TBC1D22A: variants seen among roughly 807,000 people sequenced by gnomAD.
The protein encoded by TBC1D22A is TBC1 domain family member 22A.
In TBC1D22A, 38 loss-of-function variants were observed where a neutral mutation model predicts 60.2. The ratio of observed to expected loss-of-function variants is 0.63; its 90% confidence interval spans 0.49 to 0.83. The LOEUF (loss-of-function observed/expected upper bound fraction) is 0.83. Among genes scored for constraint, TBC1D22A ranks in the 40% least tolerant of loss-of-function variants. The probability of loss-of-function intolerance (pLI) is 0.00; values close to 1 mark genes in which losing one functional copy is unlikely to be tolerated. For missense variants in TBC1D22A, 628 were observed against 701.0 expected, an observed-to-expected ratio of 0.90 and a Z score of 1.18; for synonymous variants, 302 against 281.7, an observed-to-expected ratio of 1.07 and a Z score of -0.72.
intron 9 of TBC1D22A, among the ~76,000 whole-genome samples, chr22:46,994,942 C>T (rs1199671764): frequency 6.6e-6 from 1 of 152,226 alleles, no homozygotes; most frequent in Non-Finnish European, 1.5e-5. Flanking sequence ...AAATTTCTTA[C>T]TCCTGTTAAA....
intron 11 of TBC1D22A, among the ~76,000 whole-genome samples, chr22:47,073,329 C>A (rs192395972): frequency 6.6e-6 from 1 of 152,138 alleles, no homozygotes; most frequent in Admixed American, 6.5e-5. Flanking sequence ...GTGCCGCTGG[C>A]GGTTTCATTA....
chr22:47,041,624 G>T (rs1034922309), intron 11 of TBC1D22A, among the ~76,000 whole-genome samples: 1 of 152,200 alleles, frequency 6.6e-6, no homozygotes, highest in Admixed American at 6.5e-5. Context: ...TCCTGGGCTC[G>T]GATGGAGGGC....
At chr22:47,171,007 G>A (rs1456766985) in intron 12 of TBC1D22A, among the ~76,000 whole-genome samples, 1 of 152,208 alleles carries the variant, frequency 6.6e-6, no homozygotes, top group Non-Finnish European at 1.5e-5. Context: ...ACATGCAGAC[G>A]GCAGCCTCCG....
intron 12 of TBC1D22A, among the ~76,000 whole-genome samples, chr22:47,114,653 C>A (rs1028776272): frequency 1.3e-5 from 2 of 152,090 alleles, no homozygotes; most frequent in Non-Finnish European, 2.9e-5. Flanking sequence ...AACATGATTC[C>A]CCAACAGTGG....
At chr22:47,101,088 T>A (rs1233100531) in intron 11 of TBC1D22A, among the ~76,000 whole-genome samples, 1 of 152,218 alleles carries the variant, frequency 6.6e-6, no homozygotes, top group Non-Finnish European at 1.5e-5. Context: ...AGACTTATTG[T>A]TGAGTCATCA....
intron 11 of TBC1D22A, among the ~76,000 whole-genome samples, chr22:47,065,633 G>A (rs1259261507): frequency 1.3e-5 from 2 of 152,280 alleles, no homozygotes; most frequent in South Asian, 2.1e-4. Context: ...AGCAGGCCTC[G>A]GAGTTGGGAC....
chr22:47,045,867 C>A (rs1279754485), intron 11 of TBC1D22A, among the ~76,000 whole-genome samples: 1 of 152,158 alleles, frequency 6.6e-6, no homozygotes, highest in Non-Finnish European at 1.5e-5. Flanking sequence ...CATGCTCCTT[C>A]AGGTGGCTGC....
chr22:47,096,915 C>T (rs1432091519), intron 11 of TBC1D22A, among the ~76,000 whole-genome samples: 4 of 152,246 alleles, frequency 2.6e-5, no homozygotes, highest in Admixed American at 2.0e-4. Context: ...CCTCAGTTCG[C>T]GTGTGGTGTG....
chr22:46,961,993 G>A (rs926627431), intron 8 of TBC1D22A, among the ~76,000 whole-genome samples: 1 of 152,240 alleles, frequency 6.6e-6, no homozygotes, highest in Non-Finnish European at 1.5e-5. Context: ...GCAGGTTCCT[G>A]CAGATTTCGT....
intron 11 of TBC1D22A, among the ~76,000 whole-genome samples, chr22:47,111,285 T>G (rs1190717100): frequency 6.6e-6 from 1 of 152,248 alleles, no homozygotes; most frequent in Non-Finnish European, 1.5e-5. Flanking sequence ...GGTCTGCTGT[T>G]CACATGCTGT....
intron 4 of TBC1D22A, among the ~76,000 whole-genome samples, chr22:46,847,942 TGTGTGTGTGTGTGCGC>T (rs913624399): frequency 9.6e-5 from 12 of 125,148 alleles, no homozygotes; most frequent in African/African-American, 2.9e-4. Context: ...TGTGTGTGTG[TGTGTGTGTGTGTGCGC>T]GCGCGCACGC....
chr22:46,955,639 T>A (rs985966632), intron 8 of TBC1D22A, among the ~76,000 whole-genome samples: 9 of 152,216 alleles, frequency 5.9e-5, no homozygotes. Flanking sequence ...ACTAATAAGC[T>A]GAAAAAACCG....
chr22:46,894,732 AATG>A, intron 6 of TBC1D22A, 49 bp from the exon 7 acceptor site: 1 of 1,599,036 alleles, frequency 6.3e-7, no homozygotes, highest in African/African-American at 1.3e-5. Flanking sequence ...TATCGCTCGT[AATG>A]ATGTTTGTTG....
chr22:46,942,008 C>CATATATATATATATATATTATAT (rs1569250312), intron 8 of TBC1D22A, among the ~76,000 whole-genome samples: 1 of 133,628 alleles, frequency 7.5e-6, no homozygotes, highest in African/African-American at 2.8e-5. Context: ...CACCAGCATA[C>CATATATATATATATATATTATAT]ATATATATAT....
chr22:46,991,979 A>G (rs1475975606), intron 9 of TBC1D22A, among the ~76,000 whole-genome samples: 2 of 152,190 alleles, frequency 1.3e-5, no homozygotes, highest in African/African-American at 4.8e-5. Flanking sequence ...GTTCTGTGCT[A>G]TGATGGTGTG....
rs1262223610 is a variant in TBC1D22A at position 47,111,553 on chromosome 22, G to T, written c.1375G>T (p.Ala459Ser). Residue 459 changes from alanine to serine, a missense_variant, in exon 12 of 13, where the codon GCT (alanine) becomes TCT (serine). Physicochemically the swap from Ala to Ser is moderately conservative, Grantham distance 99. Transcript: ENST00000337137. The stretch of plus-strand genomic sequence containing the variant: ...TCATTTCCACTTGTACGTGTGCGCT[G>T]CTTTTCTCGTGAGATGGAGGAAGGA... ...FSHFHLYVCA[A>S]FLVRWRKEIL... 2.5e-6 allele frequency: 4 copies of T among 1,614,148 alleles called. No individual in the cohort carries two copies. The East Asian group carries it at 8.9e-5, about 36-fold the overall frequency.
chr22:46,788,077 T>C (rs1469152094), intron 1 of TBC1D22A, among the ~76,000 whole-genome samples: 2 of 151,848 alleles, frequency 1.3e-5, no homozygotes, highest in South Asian at 2.1e-4. Context: ...GCTGGGACTA[T>C]AGGCGTCCGC....
intron 4 of TBC1D22A, among the ~76,000 whole-genome samples, chr22:46,861,596 T>C (rs2087889732): frequency 6.6e-6 from 1 of 152,248 alleles, no homozygotes; most frequent in Non-Finnish European, 1.5e-5. Context: ...TGTCTCTCAC[T>C]GGGGTGGCCA....
intron 8 of TBC1D22A, among the ~76,000 whole-genome samples, chr22:46,944,165 G>A (rs761813298): frequency 2.6e-5 from 4 of 152,174 alleles, no homozygotes; most frequent in Non-Finnish European, 4.4e-5. Flanking sequence ...CAAAGGAGGA[G>A]GGTTGTGTTT....
Sources: allele counts gnomAD v4.1 joint callset (sites outside exome capture counted in the v4.1 genomes callset), GRCh38; gene constraint gnomAD v4.1.1; transcripts MANE v1.5; gene names NCBI Gene and HGNC (gene_info 2026-07-23, HGNC 2026-07-21).